FBN2: variants seen among roughly 807,000 people sequenced by gnomAD.
FBN2 encodes the protein fibrillin 2.
Under a neutral mutation model 355.6 loss-of-function variants are expected in FBN2, and 105 were observed. That is an observed-to-expected ratio of 0.30 (90% CI 0.25 to 0.35). FBN2 has a LOEUF of 0.35. Among genes scored for constraint, FBN2 ranks in the 10% least tolerant of loss-of-function variants. FBN2 has a pLI of 1.00. For missense variants in FBN2, 3,280 were observed against 3,758.7 expected, an observed-to-expected ratio of 0.87 and a Z score of 3.33; for synonymous variants, 1,350 against 1,301.2, an observed-to-expected ratio of 1.04 and a Z score of -0.81.
intron 5 of FBN2, among the ~76,000 whole-genome samples, chr5:128,478,591 T>C (rs924312373): frequency 2.6e-5 from 4 of 152,310 alleles, no homozygotes; most frequent in African/African-American, 9.6e-5. Flanking sequence ...CATAAAATGG[T>C]AATTAAATGC....
Position 128,345,547 on chromosome 5 carries a change from T to C in FBN2, c.3027A>G (p.Glu1009=). The C allele has an allele frequency of 6.2e-7, 1 of 1,614,022 alleles. No individual in the cohort carries two copies. The highest frequency in any genetic ancestry group is 1.3e-5 in the African/African-American group (1 of 74,988). Residue 1009 remains glutamate, a synonymous_variant, in exon 24 of 65, where the codon GAA becomes GAG. Coordinates refer to ENST00000262464, the MANE Select transcript of FBN2 (RefSeq NM_001999.4). ...RMEQCYLKWD[E]DECIHPVPGK... ...CAGGAACGGGGTGGATGCATTCATC[T>C]TCATCCCACTTCAAGTAACACTGCT... is the stretch of plus-strand genomic sequence containing the variant.
In FBN2 at chr5:128,369,208, C is replaced by T. The variant is rs1751862882; in HGVS notation, c.2222G>A (p.Cys741Tyr). Residue 741 changes from cysteine to tyrosine, a missense_variant, in exon 16 of 65, where the codon TGC becomes TAC. Transcript: ENST00000262464. ...TGAATTTTTTGCAGGGCATGGCTGGCAGGGTTCTCCAAAACCATAGTCTGG... is the reference window on the plus strand; with the variant it reads ...TGAATTTTTTGCAGGGCATGGCTGGTAGGGTTCTCCAAAACCATAGTCTGG... The part of the protein sequence containing the change: ...ANPDYGFGEP[C>Y]QPCPAKNSAE... 6.2e-7 allele frequency: 1 copy of T among 1,614,010 alleles called. No homozygotes were observed. The highest frequency in any genetic ancestry group is 8.5e-7 in the Non-Finnish European group (1 of 1,180,040).
intron 36 of FBN2, among the ~76,000 whole-genome samples, chr5:128,314,690 T>G (rs560065461): frequency 6.6e-6 from 1 of 152,318 alleles, no homozygotes; most frequent in South Asian, 2.1e-4. Context: ...CTTTTATTCC[T>G]ATTCTTCATT....
intron 48 of FBN2, among the ~76,000 whole-genome samples, chr5:128,297,011 G>C: frequency 6.6e-6 from 1 of 152,174 alleles, no homozygotes; most frequent in Admixed American, 6.5e-5. Flanking sequence ...TGCTTTGAAT[G>C]TGTCCCAGAG....
chr5:128,277,826 A>C, intron 58 of FBN2, 54 bp downstream of exon 58: 1 of 1,598,278 alleles, frequency 6.3e-7, no homozygotes, highest in Non-Finnish European at 8.6e-7. Context: ...GACTTGCAGG[A>C]AACAGTAGCT....
At chr5:128,383,663 C>G (rs1157766797) in intron 11 of FBN2, among the ~76,000 whole-genome samples, 1 of 151,902 alleles carries the variant, frequency 6.6e-6, no homozygotes, top group South Asian at 2.1e-4. Flanking sequence ...TGACCCTTTA[C>G]CAAAGAAGTG....
chr5:128,304,677 C>CAGAGGCTTGG lies in FBN2; in HGVS notation c.5800+279_5800+280insCCAAGCCTCT, dbSNP rs1447643325. The stretch of plus-strand genomic sequence containing the variant: ...GCCCAAGTGGCTCAGAGGGTTTTTT[C>CAGAGGCTTGG]TTGTCAAGCCATGTGAACATCTTCT... On this transcript the variant is annotated intron_variant, in intron 45 of 64. Coordinates refer to ENST00000262464, the MANE Select transcript of FBN2 (RefSeq NM_001999.4). Among the ~76,000 whole-genome samples the CAGAGGCTTGG allele has an allele frequency of 2.0e-5, 3 of 152,084 alleles. No individual in the cohort carries two copies. The East Asian group carries it at 5.8e-4, about 29-fold the overall frequency.
At chr5:128,443,734 T>C (rs1344365231) in intron 7 of FBN2, among the ~76,000 whole-genome samples, 2 of 152,198 alleles carry the variant, frequency 1.3e-5, no homozygotes, top group Non-Finnish European at 2.9e-5. Context: ...AGCAGAAACA[T>C]GAAATGTGCT....
chr5:128,376,074 C>T (rs1334195803), intron 14 of FBN2, among the ~76,000 whole-genome samples: 1 of 151,972 alleles, frequency 6.6e-6, no homozygotes, highest in Non-Finnish European at 1.5e-5. Flanking sequence ...GAAAAATGTG[C>T]TTCTAAGTAG....
intron 17 of FBN2, among the ~76,000 whole-genome samples, chr5:128,366,094 A>T (rs1751758769): frequency 6.6e-6 from 1 of 151,732 alleles, no homozygotes; most frequent in Admixed American, 6.6e-5. Context: ...ATGTCACATT[A>T]TTCTTTTCTT....
chr5:128,268,448 C>G (rs55837455), intron 62 of FBN2, among the ~76,000 whole-genome samples: 123 of 152,148 alleles, frequency 8.1e-4, no homozygotes, highest in African/African-American at 3.0e-3. Flanking sequence ...CCAGAGGTAC[C>G]AAGAGGAGCT....
At chr5:128,509,059 A>C (rs766687692) in intron 5 of FBN2, among the ~76,000 whole-genome samples, 1 of 151,956 alleles carries the variant, frequency 6.6e-6, no homozygotes, top group Non-Finnish European at 1.5e-5. Flanking sequence ...ATTGATTATG[A>C]TGTATCTTAA....
At chr5:128,340,584 G>A (rs1750986921) in intron 25 of FBN2, among the ~76,000 whole-genome samples, 1 of 152,174 alleles carries the variant, frequency 6.6e-6, no homozygotes, top group African/African-American at 2.4e-5. Context: ...TGGCTAATGT[G>A]ATGTGGTGGG....
At chr5:128,460,495 G>GA (rs960232395) in intron 6 of FBN2, among the ~76,000 whole-genome samples, 39 of 150,060 alleles carry the variant, frequency 2.6e-4, no homozygotes, top group East Asian at 1.6e-3. Flanking sequence ...CACAGAATTA[G>GA]AAAAAAAAAC....
At chr5:128,389,425 T>C (rs983258705) in intron 11 of FBN2, among the ~76,000 whole-genome samples, 1 of 152,206 alleles carries the variant, frequency 6.6e-6, no homozygotes, top group Middle Eastern at 3.2e-3. Context: ...CAGATGGGCA[T>C]CTGAGGCTGT....
chr5:128,449,462 A>ATAT (rs1754177363), intron 6 of FBN2, among the ~76,000 whole-genome samples: 1 of 141,204 alleles, frequency 7.1e-6, no homozygotes, highest in African/African-American at 2.7e-5. Context: ...ACTATATAAT[A>ATAT]GTATACTATT....
rs1317510800 is a variant in FBN2, at chr5:128,392,991, T to G, written c.1465+144A>C. 8 of 713,802 alleles carry G rather than the reference T, an allele frequency of 1.1e-5. No homozygotes were observed. In the South Asian group the frequency reaches 1.1e-4, roughly 10 times the overall value. 44.2% of individuals were successfully genotyped at this position (713,802 alleles called of 1,614,324 possible). A position where few individuals can be genotyped will look rare whatever the true frequency, so the allele number is the denominator to read the frequency against. ...ACCTTGAAACACTTTTCCCTCTGTCTCTCTCTCTCTCGCACCCACAAACAC... is the reference window on the plus strand; with the variant it reads ...ACCTTGAAACACTTTTCCCTCTGTCGCTCTCTCTCTCGCACCCACAAACAC... On this transcript the variant is annotated intron_variant, in intron 10 of 64. Coordinates refer to ENST00000262464, the MANE Select transcript of FBN2 (RefSeq NM_001999.4).
At chr5:128,449,398 CTG>C (rs1561462698) in intron 6 of FBN2, among the ~76,000 whole-genome samples, 2 of 96,644 alleles carry the variant, frequency 2.1e-5, no homozygotes, top group Non-Finnish European at 3.9e-5. Context: ...TAATAGTATA[CTG>C]TATAATTATA....
intron 6 of FBN2, 120 bp from the exon 7 acceptor site, chr5:128,446,726 G>A: frequency 9.4e-7 from 1 of 1,060,754 alleles, no homozygotes. Context: ...TCTCAAGAGA[G>A]TGGGGTTAGA....
Sources: allele counts gnomAD v4.1 joint callset (sites outside exome capture counted in the v4.1 genomes callset), GRCh38; gene constraint gnomAD v4.1.1; transcripts MANE v1.5; gene names NCBI Gene and HGNC (gene_info 2026-07-23, HGNC 2026-07-21).